The following FRMD4A variants were observed in gnomAD, a reference collection of about 807,000 sequenced individuals.
FRMD4A encodes the protein FERM domain-containing protein 4A.
Under a neutral mutation model 129.1 loss-of-function variants are expected in FRMD4A, and 29 were observed. That is an observed-to-expected ratio of 0.22 (90% CI 0.17 to 0.31). FRMD4A has a LOEUF of 0.31. Ranked by LOEUF, FRMD4A falls within the 10% of genes least tolerant of loss-of-function variation. The pLI is 1.00. For synonymous variants in FRMD4A, 634 were observed against 571.6 expected, an observed-to-expected ratio of 1.11 and a Z score of -1.56; for missense variants, 1,272 against 1,375.8, an observed-to-expected ratio of 0.92 and a Z score of 1.19.
intron 2 of FRMD4A, among the ~76,000 whole-genome samples, chr10:13,935,682 T>A (rs1046760465): frequency 6.6e-6 from 1 of 152,120 alleles, no homozygotes; most frequent in Non-Finnish European, 1.5e-5. Context: ...GGAGCCCTTT[T>A]TTCAGCACCT....
chr10:13,864,351 A>G (rs1193556327), intron 2 of FRMD4A, among the ~76,000 whole-genome samples: 1 of 150,692 alleles, frequency 6.6e-6, no homozygotes, highest in Non-Finnish European at 1.5e-5. Context: ...AAAAAAAAAA[A>G]AAAGAAAAAA....
intron 2 of FRMD4A, among the ~76,000 whole-genome samples, chr10:14,065,393 C>T (rs976922153): frequency 6.6e-6 from 1 of 152,088 alleles, no homozygotes; most frequent in Non-Finnish European, 1.5e-5. Flanking sequence ...CCATGTTCGC[C>T]AGGCTGGTTT....
intron 12 of FRMD4A, among the ~76,000 whole-genome samples, chr10:13,714,209 C>G (rs1306222819): frequency 9.4e-5 from 14 of 149,700 alleles, no homozygotes; most frequent in African/African-American, 2.7e-4. Flanking sequence ...ATTACAGGCT[C>G]CCACCAACAT....
At chr10:14,294,100 G>A (rs368337702) in intron 2 of FRMD4A, among the ~76,000 whole-genome samples, 2 of 152,282 alleles carry the variant, frequency 1.3e-5, no homozygotes, top group South Asian at 2.1e-4. Flanking sequence ...GTGGGAGAGT[G>A]TGCAGTCAAG....
intron 2 of FRMD4A, among the ~76,000 whole-genome samples, chr10:14,003,788 C>T (rs1416908111): frequency 6.6e-6 from 1 of 152,224 alleles, no homozygotes; most frequent in East Asian, 1.9e-4. Context: ...TTAGGCTTTG[C>T]ATCTATAAAG....
At chr10:13,763,006 C>G (rs2092137204) in intron 6 of FRMD4A, among the ~76,000 whole-genome samples, 1 of 152,008 alleles carries the variant, frequency 6.6e-6, no homozygotes, top group African/African-American at 2.4e-5. Flanking sequence ...AAACAAAAAG[C>G]CTTATTTTCT....
chr10:13,748,323 A>G (rs2091401772), intron 8 of FRMD4A, among the ~76,000 whole-genome samples: 1 of 152,230 alleles, frequency 6.6e-6, no homozygotes, highest in Admixed American at 6.5e-5. Context: ...ACATGCTGGA[A>G]ACTGTTTTCT....
chr10:14,264,849 G>A (rs557817736), intron 2 of FRMD4A, among the ~76,000 whole-genome samples: 130 of 152,024 alleles, frequency 8.6e-4, no homozygotes, highest in Non-Finnish European at 1.7e-3. Context: ...TGGCAAGATC[G>A]CGGCTCACTG....
At chr10:13,959,619 C>T (rs977483813) in intron 2 of FRMD4A, among the ~76,000 whole-genome samples, 1 of 151,008 alleles carries the variant, frequency 6.6e-6, no homozygotes, top group African/African-American at 2.4e-5. Context: ...GACAGCTGAG[C>T]TCGTTGTTTC....
In FRMD4A at chr10:14,236,995, C is replaced by CAAAAAAAA. The variant is rs71477244; in HGVS notation, c.45+93055_45+93062dup. Among the ~76,000 whole-genome samples, 32 of 75,392 alleles carry CAAAAAAAA rather than the reference C, an allele frequency of 4.2e-4. 2 individuals are homozygous for CAAAAAAAA. The highest frequency in any genetic ancestry group is 1.1e-3 in the African/African-American group (24 of 21,246). 49.5% of individuals were successfully genotyped at this position (75,392 alleles called of 152,430 possible). A position where few individuals can be genotyped will look rare whatever the true frequency, so the allele number is the denominator to read the frequency against. Reference sequence around the variant, plus strand: ...CTGAGAAGGAACTCCAACAGGTCAGCAAAAAAAAAAAAAAAAAAAAAAAAA... The same window carrying CAAAAAAAA: ...CTGAGAAGGAACTCCAACAGGTCAGCAAAAAAAAAAAAAAAAAAAAAAAAAAAAAAAAA... On this transcript the variant is annotated intron_variant, in intron 2 of 24. Transcript: ENST00000357447.
intron 8 of FRMD4A, among the ~76,000 whole-genome samples, chr10:13,751,599 C>T (rs1235393837): frequency 6.6e-6 from 1 of 152,238 alleles, no homozygotes; most frequent in East Asian, 1.9e-4. Flanking sequence ...AAGTTCACAG[C>T]TTCCTCCCTC....
At chr10:13,718,906 G>A (rs115682183) in intron 12 of FRMD4A, among the ~76,000 whole-genome samples, 48 of 152,334 alleles carry the variant, frequency 3.2e-4, no homozygotes, top group African/African-American at 1.1e-3. Flanking sequence ...ATTTCCTTGA[G>A]TATGTTTTCC....
chr10:14,002,643 G>A (rs1022999247), intron 2 of FRMD4A, among the ~76,000 whole-genome samples: 7 of 152,164 alleles, frequency 4.6e-5, no homozygotes, highest in East Asian at 1.9e-4. Context: ...GCCTGCCATC[G>A]TACGGAGGAT....
chr10:13,654,601 C>A, intron 22 of FRMD4A, 89 bp from the exon 23 acceptor site: 2 of 798,640 alleles, frequency 2.5e-6, no homozygotes, highest in Non-Finnish European at 4.3e-6. Flanking sequence ...GACACCAACC[C>A]AGTGGCCAGA....
intron 2 of FRMD4A, among the ~76,000 whole-genome samples, chr10:14,303,037 C>A (rs981669468): frequency 6.6e-6 from 1 of 152,190 alleles, no homozygotes; most frequent in African/African-American, 2.4e-5. Context: ...AATGTCAATG[C>A]AAGATGCCAA....
intron 2 of FRMD4A, among the ~76,000 whole-genome samples, chr10:14,185,507 T>A (rs567036899): frequency 5.9e-5 from 9 of 152,274 alleles, no homozygotes; most frequent in African/African-American, 9.6e-5. Context: ...CTTCAAGTAT[T>A]TTTTGGAGGT....
At chr10:14,089,618 CAAAAAAAAAAACA>C (rs1836517943) in intron 2 of FRMD4A, among the ~76,000 whole-genome samples, 1 of 79,620 alleles carries the variant, frequency 1.3e-5, no homozygotes, top group African/African-American at 9.5e-5. Flanking sequence ...CCTTTTCAAG[CAAAAAAAAAAACA>C]AAAAAAAACA....
intron 2 of FRMD4A, among the ~76,000 whole-genome samples, chr10:13,889,357 A>C (rs927198465): frequency 5.3e-5 from 8 of 152,234 alleles, no homozygotes; most frequent in Non-Finnish European, 1.0e-4. Flanking sequence ...TCCAGAACCA[A>C]GCAAGGAGTC....
In FRMD4A at chr10:14,329,982, C is replaced by A. The variant is rs755644994; in HGVS notation, c.45+76G>T. ...TTGAACATGTCTGCAGCCACTGCAG[C>A]GGCAGCAGCAGCCCACGGTGCAGGG... is the stretch of plus-strand genomic sequence containing the variant. On this transcript the variant is annotated intron_variant, in intron 2 of 24. Transcript: ENST00000357447. The A allele has an allele frequency of 9.8e-5, 131 of 1,332,662 alleles. 1 individual carries two copies. Among genetic ancestry groups the A allele is most frequent in the Non-Finnish European group, 1.3e-4 (126 of 947,920 alleles). The allele number at this position is 1,332,662 out of a possible 1,614,324, so 82.6% of individuals were successfully genotyped here.
Sources: allele counts gnomAD v4.1 joint callset (sites outside exome capture counted in the v4.1 genomes callset), GRCh38; gene constraint gnomAD v4.1.1; transcripts MANE v1.5; gene names NCBI Gene and HGNC (gene_info 2026-07-23, HGNC 2026-07-21).